The following USP8 variants were observed in gnomAD, a reference collection of about 807,000 sequenced individuals.
The protein encoded by USP8 is ubiquitin specific peptidase 8.
Under a neutral mutation model 130.0 loss-of-function variants are expected in USP8, and 27 were observed. That is an observed-to-expected ratio of 0.21 (90% CI 0.15 to 0.29). The LOEUF is 0.29. Ranked by LOEUF, USP8 falls within the 10% of genes least tolerant of loss-of-function variation. USP8 has a pLI of 1.00. For missense variants in USP8, 1,029 were observed against 1,312.2 expected (o/e 0.78, Z 3.33); for synonymous variants, 392 against 444.1 (o/e 0.88, Z 1.48).
intron 5 of USP8, among the ~76,000 whole-genome samples, chr15:50,461,235 G>A (rs550965850): frequency 2.6e-4 from 40 of 151,930 alleles, no homozygotes; most frequent in African/African-American, 8.4e-4. Context: ...CAGGTGACCC[G>A]CCCACTTTGG....
chr15:50,424,825 GGTTT>G (rs2049651671), intron 1 of USP8, among the ~76,000 whole-genome samples: 1 of 129,764 alleles, frequency 7.7e-6, no homozygotes, highest in Admixed American at 7.5e-5. Flanking sequence ...TCTTGCTTCC[GGTTT>G]TTTTTTTTTT....
chr15:50,493,089 G>A (rs2052239919), intron 15 of USP8, 176 bp downstream of exon 15: 8 of 729,532 alleles, frequency 1.1e-5, no homozygotes, highest in Non-Finnish European at 1.4e-5. Context: ...TCGTCTAGGT[G>A]CCGGCATCTG....
At position 50,500,144 on chromosome 15, in the gene USP8, C is replaced by G. The variant is rs2052556146; in HGVS notation, c.*1056C>G. The G allele has an allele frequency of 6.6e-6, 1 of 152,164 alleles. No homozygotes were observed. Among genetic ancestry groups the G allele is most frequent in the Non-Finnish European group, 1.5e-5 (1 of 68,050 alleles). 9.4% of individuals were successfully genotyped at this position (152,164 alleles called of 1,614,324 possible). On this transcript the variant is annotated 3_prime_UTR_variant, in exon 20 of 20. Coordinates refer to ENST00000307179, the MANE Select transcript of USP8 (RefSeq NM_005154.5). Reference sequence around the variant, plus strand: ...AAAGAGACCACCATTAGCAGGCTCTCAGGGAGAAGATGAAAGGATGGGGTT... The same window carrying G: ...AAAGAGACCACCATTAGCAGGCTCTGAGGGAGAAGATGAAAGGATGGGGTT...
In USP8 at chr15:50,506,033, G is replaced by A. The variant is rs181948015; in HGVS notation, c.*6945G>A. The A allele has an allele frequency of 9.3e-4, 141 of 152,294 alleles. 1 individual carries two copies. Among genetic ancestry groups the A allele is most frequent in the Middle Eastern group, 3.4e-3 (1 of 294 alleles). The allele number at this position is 152,294 out of a possible 1,614,324, so 9.4% of individuals were successfully genotyped here. ...GTTCTAAGAGCTTTCCATTTCTTTG[G>A]GAGCAGAGTATAAAGATCTTGATTA... On this transcript the variant is annotated 3_prime_UTR_variant, in exon 20 of 20. Coordinates refer to ENST00000307179, the MANE Select transcript of USP8 (RefSeq NM_005154.5).
intron 5 of USP8, 105 bp downstream of exon 5, chr15:50,459,267 A>T (rs1056337511): frequency 7.3e-7 from 1 of 1,377,954 alleles, no homozygotes; most frequent in African/African-American, 1.5e-5. Flanking sequence ...GGCAACAAGG[A>T]TGAAATTTAA....
intron 9 of USP8, 61 bp downstream of exon 9, chr15:50,477,054 T>G: frequency 6.3e-7 from 1 of 1,575,278 alleles, no homozygotes; most frequent in East Asian, 2.3e-5. Flanking sequence ...AAAATTGTTT[T>G]CCCGGTAACA....
chr15:50,459,304 C>T, intron 5 of USP8, 142 bp downstream of exon 5: 5 of 1,242,062 alleles, frequency 4.0e-6, no homozygotes, highest in Non-Finnish European at 5.4e-6. Context: ...TTATTTAAGG[C>T]TGGGCACGGT....
intron 16 of USP8, among the ~76,000 whole-genome samples, chr15:50,495,141 A>C (rs2141324600): frequency 6.6e-6 from 1 of 151,728 alleles, no homozygotes; most frequent in South Asian, 2.1e-4. Context: ...TCTTTTTAGC[A>C]CTTTTTGTCT....
Position 50,471,804 on chromosome 15 carries a change from G to C in USP8, c.849+9G>C. ...AAGATGCACTTTTCAAGGTTTGCAAGTTTCATTGTTAGTTTATTGTAATTG... is the reference window on the plus strand; with the variant it reads ...AAGATGCACTTTTCAAGGTTTGCAACTTTCATTGTTAGTTTATTGTAATTG... On this transcript the variant is annotated intron_variant, in intron 8 of 19. Coordinates refer to ENST00000307179, the MANE Select transcript of USP8 (RefSeq NM_005154.5). 6.2e-7 allele frequency: 1 copy of C among 1,611,068 alleles called. No individual in the cohort carries two copies. The highest frequency in any genetic ancestry group is 8.5e-7 in the Non-Finnish European group (1 of 1,178,628).
In USP8 at chr15:50,424,453, G is replaced by C. The variant is rs1303185533; in HGVS notation, c.-127G>C. On this transcript the variant is annotated 5_prime_UTR_variant, in exon 1 of 20. Transcript: ENST00000307179. The stretch of plus-strand genomic sequence containing the variant: ...GTAGCCAAGGCTAATTCTCCCTCGA[G>C]TTCTTGGGAGATGGGCATTTGGCGA... The C allele has an allele frequency of 2.5e-6, 1 of 398,624 alleles. No homozygotes were observed. The highest frequency in any genetic ancestry group is 2.1e-5 in the African/African-American group (1 of 48,646). 24.7% of individuals were successfully genotyped at this position (398,624 alleles called of 1,614,324 possible).
At chr15:50,449,266 AG>A (rs1371393930) in intron 3 of USP8, 133 bp from the exon 4 acceptor site, 6 of 458,322 alleles carry the variant, frequency 1.3e-5, no homozygotes, top group Non-Finnish European at 2.3e-5. Flanking sequence ...ATAGGTTAAA[AG>A]TTTTTAAAAA....
Position 50,497,085 on chromosome 15 carries a change from C to A in USP8, c.2896-4C>A. The A allele has an allele frequency of 6.3e-7, 1 of 1,581,538 alleles. No individual in the cohort carries two copies. Among genetic ancestry groups the A allele is most frequent in the Non-Finnish European group, 8.6e-7 (1 of 1,168,698 alleles). ...AGTATCTGCTACTTGTTTTTTTCTG[C>A]CAGGATTGCCTTAGATTATTTTCCA... is the stretch of plus-strand genomic sequence containing the variant. On this transcript the variant is annotated splice_region_variant and splice_polypyrimidine_tract_variant and intron_variant, in intron 17 of 19. Coordinates refer to ENST00000307179, the MANE Select transcript of USP8 (RefSeq NM_005154.5).
rs1279509356 is a variant in USP8, at chr15:50,492,821, T to C, written c.2355T>C (p.Thr785=). ...ALTGLRNLGN[T]CYMNSILQCL... ...CTGGACTTCGTAACTTAGGAAATAC[T>C]TGTTATATGAACTCAATATTGCAGT... Residue 785 remains threonine (T), a synonymous_variant, in exon 15 of 20, where the codon ACT becomes ACC. Transcript: ENST00000307179. The C allele has an allele frequency of 1.2e-6, 2 of 1,614,198 alleles. No homozygotes were observed. The highest frequency in any genetic ancestry group is 1.7e-5 in the Admixed American group (1 of 60,024).
At chr15:50,490,233 A>C (rs1595981328) in intron 13 of USP8, 30 bp from the exon 14 acceptor site, 1 of 1,570,568 alleles carries the variant, frequency 6.4e-7, no homozygotes, top group South Asian at 1.2e-5. Context: ...TTGTTTTTTG[A>C]CCTGTTTTTT....
intron 3 of USP8, among the ~76,000 whole-genome samples, chr15:50,448,139 A>G (rs573150543): frequency 2.0e-5 from 3 of 152,312 alleles, no homozygotes; most frequent in East Asian, 3.9e-4. Flanking sequence ...GGGCTGTTAG[A>G]TATGTTTATA....
At chr15:50,444,105 T>G (rs903130574) in intron 3 of USP8, among the ~76,000 whole-genome samples, 9 of 149,248 alleles carry the variant, frequency 6.0e-5, no homozygotes, top group Non-Finnish European at 1.5e-5. Flanking sequence ...AGGTTTTTTT[T>G]TTTTTTTTTT....
chr15:50,458,950 T>C lies in USP8; in HGVS notation c.336-50T>C, dbSNP rs376141284. The stretch of plus-strand genomic sequence containing the variant: ...TTACAGAACTGAAACTCCTTTAATT[T>C]CCACGATTAACGCCAATAAAAGACA... On this transcript the variant is annotated intron_variant, in intron 4 of 19. Coordinates refer to ENST00000307179, the MANE Select transcript of USP8 (RefSeq NM_005154.5). The C allele has an allele frequency of 9.4e-6, 15 of 1,604,164 alleles. No homozygotes were observed. In the African/African-American group the frequency reaches 1.3e-4, roughly 14 times the overall value.
At chr15:50,456,192 T>A (rs2050782897) in intron 4 of USP8, among the ~76,000 whole-genome samples, 1 of 152,198 alleles carries the variant, frequency 6.6e-6, no homozygotes, top group African/African-American at 2.4e-5. Flanking sequence ...AAGTAGAGTG[T>A]CGTGATCACC....
At chr15:50,455,672 T>C (rs2050767777) in intron 4 of USP8, among the ~76,000 whole-genome samples, 1 of 152,198 alleles carries the variant, frequency 6.6e-6, no homozygotes, top group South Asian at 2.1e-4. Flanking sequence ...AGTTTTGTTG[T>C]TGTTGTTGTT....
Sources: allele counts gnomAD v4.1 joint callset (sites outside exome capture counted in the v4.1 genomes callset), GRCh38; gene constraint gnomAD v4.1.1; transcripts MANE v1.5; gene names NCBI Gene and HGNC (gene_info 2026-07-23, HGNC 2026-07-21).